Variants in ZPBP observed in about 807,000 individuals in gnomAD.
ZPBP encodes zona pellucida-binding protein 1.
Under a neutral mutation model 44.8 loss-of-function variants are expected in ZPBP, and 26 were observed. That is an observed-to-expected ratio of 0.58 (90% CI 0.43 to 0.81). The LOEUF (loss-of-function observed/expected upper bound fraction) is 0.81, where lower values mean the gene tolerates loss of function less well. Ranked by LOEUF, ZPBP falls within the 30% of genes least tolerant of loss-of-function variation. ZPBP has a pLI of 0.00. For missense variants in ZPBP, 409 were observed against 434.0 expected (o/e 0.94, Z 0.51); for synonymous variants, 174 against 153.2 (o/e 1.14, Z -1.00).
At chr7:50,035,788 A>G (rs34480150) in intron 4 of ZPBP, among the ~76,000 whole-genome samples, 38,013 of 152,154 alleles carry the variant, frequency 0.25, 5,885 homozygotes, top group Non-Finnish European at 0.36. Context: ...TATGTACATT[A>G]TTAAAATTTA....
At chr7:49,866,235 G>A (rs1020928423) in intron 2 of ZPBP, among the ~76,000 whole-genome samples, 1 of 152,124 alleles carries the variant, frequency 6.6e-6, no homozygotes. Flanking sequence ...CGCCAGATGT[G>A]TTCACTGGGT....
In ZPBP at chr7:50,005,823, ATGTGTGTGTGTGTG is replaced by A. The variant is rs71018444; in HGVS notation, c.783+12403_783+12416del. Among the ~76,000 whole-genome samples the A allele has an allele frequency of 1.4e-3, 206 of 144,908 alleles. 3 individuals are homozygous for A. Among genetic ancestry groups the A allele is most frequent in the African/African-American group, 4.2e-3 (161 of 38,312 alleles). ...AATGAGTTAAACTTCATAACTATAT[ATGTGTGTGTGTGTG>A]TGTGTGTGTGTGTGTGTGTGTGTGT... is the stretch of plus-strand genomic sequence containing the variant. On this transcript the variant is annotated intron_variant, in intron 6 of 7. Coordinates refer to ENST00000046087, the MANE Select transcript of ZPBP (RefSeq NM_007009.3).
chr7:49,987,558 G>C (rs1263751573), intron 6 of ZPBP, among the ~76,000 whole-genome samples: 1 of 152,132 alleles, frequency 6.6e-6, no homozygotes, highest in African/African-American at 2.4e-5. Flanking sequence ...TAATCTTCCA[G>C]CTATACCTGT....
intron 4 of ZPBP, among the ~76,000 whole-genome samples, chr7:50,039,858 AGAC>A (rs774758228): frequency 3.4e-5 from 3 of 88,712 alleles, no homozygotes; most frequent in Non-Finnish European, 3.5e-5. Context: ...CATAAAATAC[AGAC>A]AAACAGAAGT....
chr7:50,079,214 A>G (rs1193260958), intron 3 of ZPBP, among the ~76,000 whole-genome samples: 1 of 151,634 alleles, frequency 6.6e-6, no homozygotes, highest in South Asian at 2.1e-4. Context: ...CATTGAGATT[A>G]TATCTATGAA....
chr7:50,091,468 A>G (rs1802988766), intron 1 of ZPBP, among the ~76,000 whole-genome samples: 1 of 152,148 alleles, frequency 6.6e-6, no homozygotes, highest in Admixed American at 6.5e-5. Context: ...CTCATCTCTC[A>G]CCTTACATAA....
intron 3 of ZPBP, among the ~76,000 whole-genome samples, chr7:50,067,228 CT>C (rs1489015185): frequency 6.6e-6 from 1 of 151,928 alleles, no homozygotes; most frequent in Non-Finnish European, 1.5e-5. Flanking sequence ...AGTGTTCTTG[CT>C]TTTTGGTGCC....
At chr7:49,954,848 T>C (rs1464224578) in intron 7 of ZPBP, among the ~76,000 whole-genome samples, 2 of 152,164 alleles carry the variant, frequency 1.3e-5, no homozygotes, top group Non-Finnish European at 1.5e-5. Context: ...TATAGAAGAT[T>C]AACTTACTAA....
chr7:49,970,006 T>A (rs1562809037), intron 7 of ZPBP, among the ~76,000 whole-genome samples: 1 of 115,472 alleles, frequency 8.7e-6, no homozygotes, highest in Non-Finnish European at 1.8e-5. Context: ...ATTACAGGCA[T>A]GCACCACCAC....
intron 2 of ZPBP, among the ~76,000 whole-genome samples, chr7:49,898,213 A>G (rs1792494889): frequency 6.6e-6 from 1 of 152,044 alleles, no homozygotes; most frequent in Non-Finnish European, 1.5e-5. Flanking sequence ...TGCTTTATAT[A>G]TGTATATACA....
intron 3 of ZPBP, among the ~76,000 whole-genome samples, chr7:50,064,402 AG>A (rs1161612280): frequency 6.6e-6 from 1 of 152,206 alleles, no homozygotes; most frequent in Non-Finnish European, 1.5e-5. Flanking sequence ...ATCAGGAAGC[AG>A]GGTTTTGAGA....
rs1244323 is a variant in ZPBP at position 49,962,452 on chromosome 7, T to A, written c.961+20890A>T. ...AGGAAAAATTCAACCTGATTTACGA[T>A]TAAAAATCAAAATAAATAGGAAACA... On this transcript the variant is annotated intron_variant, in intron 7 of 7. Transcript: ENST00000046087. Among the ~76,000 whole-genome samples, 553 of 151,802 alleles carry A rather than the reference T, an allele frequency of 3.6e-3. 2 individuals carry two copies. The highest frequency in any genetic ancestry group is 0.013 in the African/African-American group (530 of 41,504).
At chr7:49,857,822 G>C (rs1790485585) in intron 2 of ZPBP, among the ~76,000 whole-genome samples, 1 of 152,126 alleles carries the variant, frequency 6.6e-6, no homozygotes, top group Admixed American at 6.6e-5. Context: ...AAGTGAATCA[G>C]AGCTTCAATT....
In ZPBP at chr7:49,916,839, C is replaced by G. The variant is rs145947746; in HGVS notation, n.412-15624G>C. The stretch of plus-strand genomic sequence containing the variant: ...TAAGTCACAGAACCCAGAGACACAT[C>G]AAATACCCCAAATACCCCATGGTAG... On this transcript the variant is annotated intron_variant and non_coding_transcript_variant, in intron 1 of 2. Transcript: ENST00000465922. 2.0e-5 allele frequency: 3 copies of G among 152,286 alleles called. No homozygotes were observed. In the East Asian group the frequency reaches 5.8e-4, roughly 29 times the overall value. 9.4% of individuals were successfully genotyped at this position (152,286 alleles called of 1,614,324 possible).
intron 3 of ZPBP, among the ~76,000 whole-genome samples, chr7:50,071,178 G>A (rs1194120311): frequency 6.6e-6 from 1 of 152,132 alleles, no homozygotes; most frequent in Non-Finnish European, 1.5e-5. Context: ...GTGGCCTGGT[G>A]CAAATAGTGT....
chr7:50,050,198 T>C (rs945682780), intron 4 of ZPBP, among the ~76,000 whole-genome samples: 2 of 152,046 alleles, frequency 1.3e-5, no homozygotes, highest in African/African-American at 2.4e-5. Context: ...ATAAATTGAA[T>C]GTAATTCCCA....
chr7:49,965,865 C>T (rs562096784), intron 7 of ZPBP, among the ~76,000 whole-genome samples: 1 of 151,820 alleles, frequency 6.6e-6, no homozygotes, highest in Non-Finnish European at 1.5e-5. Context: ...AAAGCAACTA[C>T]CAAAATAAAA....
chr7:50,021,279 A>G (rs1799080133), intron 5 of ZPBP, among the ~76,000 whole-genome samples: 1 of 152,068 alleles, frequency 6.6e-6, no homozygotes, highest in African/African-American at 2.4e-5. Flanking sequence ...AAAGAACTAA[A>G]TAGGGAAAAT....
intron 1 of ZPBP, among the ~76,000 whole-genome samples, chr7:49,924,518 A>G (rs951201023): frequency 6.6e-6 from 1 of 152,220 alleles, no homozygotes; most frequent in African/African-American, 2.4e-5. Flanking sequence ...AAATGTCTCC[A>G]TATGTTGCAA....
Sources: allele counts gnomAD v4.1 joint callset (sites outside exome capture counted in the v4.1 genomes callset), GRCh38; gene constraint gnomAD v4.1.1; transcripts MANE v1.5; gene names NCBI Gene and HGNC (gene_info 2026-07-23, HGNC 2026-07-21).